Variants in ABAT observed in about 807,000 individuals in gnomAD.
ABAT encodes 4-aminobutyrate aminotransferase, also known as 4-aminobutyrate aminotransferase, mitochondrial.
ABAT carries 45 observed loss-of-function variants against 64.6 expected under a neutral mutation model. The observed-to-expected ratio is 0.70, with a 90% confidence interval of 0.55 to 0.89. The LOEUF (loss-of-function observed/expected upper bound fraction) is 0.89, where lower values mean the gene tolerates loss of function less well. Ranked by LOEUF, ABAT falls within the 40% of genes least tolerant of loss-of-function variation. The pLI, the probability that ABAT is intolerant of heterozygous loss-of-function variation, is 0.00. For missense variants in ABAT, 633 were observed against 658.4 expected (o/e 0.96, Z 0.42); for synonymous variants, 297 against 250.5 (o/e 1.19, Z -1.75).
intron 1 of ABAT, among the ~76,000 whole-genome samples, chr16:8,691,057 A>C (rs2057568136): frequency 6.6e-6 from 1 of 152,130 alleles, no homozygotes. Flanking sequence ...GGAAAAAAAA[A>C]AACCCTGAAA....
At chr16:8,729,255 G>C (rs542805920) in intron 1 of ABAT, among the ~76,000 whole-genome samples, 1 of 152,142 alleles carries the variant, frequency 6.6e-6, no homozygotes, top group East Asian at 1.9e-4. Context: ...AGTAAGCTAA[G>C]ATTACACCAC....
intron 14 of ABAT, among the ~76,000 whole-genome samples, chr16:8,777,484 C>T (rs2060301034): frequency 6.6e-6 from 1 of 152,220 alleles, no homozygotes; most frequent in African/African-American, 2.4e-5. Flanking sequence ...CCCTTCTTGT[C>T]TTTAGCAGCC....
chr16:8,724,240 T>C (rs1366398034), intron 1 of ABAT, among the ~76,000 whole-genome samples: 1 of 152,078 alleles, frequency 6.6e-6, no homozygotes, highest in Non-Finnish European at 1.5e-5. Flanking sequence ...ACATCACTAA[T>C]CTATCACATT....
At chr16:8,753,242 C>T (rs2059544500) in intron 5 of ABAT, among the ~76,000 whole-genome samples, 1 of 152,050 alleles carries the variant, frequency 6.6e-6, no homozygotes, top group Non-Finnish European at 1.5e-5. Flanking sequence ...TACAGGTGCC[C>T]ACCATCATGC....
At position 8,784,037 on chromosome 16, in the gene ABAT, A is replaced by G. The variant is rs998409708; in HGVS notation, c.*2607A>G. On this transcript the variant is annotated 3_prime_UTR_variant, in exon 16 of 16. Transcript: ENST00000268251. Reference sequence around the variant, plus strand: ...GGAAAAGAATTCTCAGCAGAGCTCAAGATTGTAGAAACTCAGCAGAAGCTG... The same window carrying G: ...GGAAAAGAATTCTCAGCAGAGCTCAGGATTGTAGAAACTCAGCAGAAGCTG... The G allele has an allele frequency of 6.6e-6, 1 of 152,310 alleles. No homozygotes were observed. The highest frequency in any genetic ancestry group is 2.4e-5 in the African/African-American group (1 of 41,462). The allele number at this position is 152,310 out of a possible 1,614,324, so 9.4% of individuals were successfully genotyped here.
chr16:8,782,664 G>A lies in ABAT; in HGVS notation c.*1234G>A, dbSNP rs1432417311. ...ATACCGAAATGCTTAAAGGGGCTGT[G>A]GCTGAGGCTGTAGCATCTCTGCTGG... On this transcript the variant is annotated 3_prime_UTR_variant, in exon 16 of 16. Coordinates refer to ENST00000268251, the MANE Select transcript of ABAT (RefSeq NM_020686.6). 6.6e-6 allele frequency: 1 copy of A among 152,316 alleles called. No homozygotes were observed. The highest frequency in any genetic ancestry group is 2.4e-5 in the African/African-American group (1 of 41,450). 9.4% of individuals were successfully genotyped at this position (152,316 alleles called of 1,614,324 possible). A position where few individuals can be genotyped will look rare whatever the true frequency, so the allele number is the denominator to read the frequency against.
At chr16:8,709,385 T>TA (rs1404574877) in intron 1 of ABAT, among the ~76,000 whole-genome samples, 1 of 120,852 alleles carries the variant, frequency 8.3e-6, no homozygotes, top group Non-Finnish European at 1.8e-5. Flanking sequence ...TTTATTTATT[T>TA]ATTTTTGAGA....
intron 2 of ABAT, chr16:8,737,509 T>TCTC (rs2058982245): frequency 1.3e-5 from 2 of 151,724 alleles, no homozygotes; most frequent in Admixed American, 6.6e-5. Context: ...ACATCTTATT[T>TCTC]TTTAAAAATT....
At chr16:8,715,633 T>TA (rs61191788) in intron 1 of ABAT, 21,707 of 81,878 alleles carry the variant, frequency 0.27, 2,169 homozygotes, top group African/African-American at 0.33. Context: ...ACCCTGTCTC[T>TA]AAAAAAAAAA....
At chr16:8,750,565 G>A (rs778373166) in intron 5 of ABAT, 26 bp downstream of exon 5, 9 of 1,596,334 alleles carry the variant, frequency 5.6e-6, no homozygotes, top group East Asian at 2.2e-5. Flanking sequence ...TCATTCCTTG[G>A]ATATAACCTC....
At chr16:8,677,336 C>G (rs1169389379) in intron 1 of ABAT, among the ~76,000 whole-genome samples, 1 of 152,174 alleles carries the variant, frequency 6.6e-6, no homozygotes, top group Non-Finnish European at 1.5e-5. Flanking sequence ...TGCCTGGGGA[C>G]AAGGGGATGT....
At chr16:8,733,078 A>AC (rs1289051031) in intron 1 of ABAT, among the ~76,000 whole-genome samples, 37 of 127,600 alleles carry the variant, frequency 2.9e-4, no homozygotes, top group East Asian at 6.8e-4. Context: ...CGGGGGGCTG[A>AC]CCCCCCCACC....
intron 5 of ABAT, among the ~76,000 whole-genome samples, chr16:8,751,452 G>C (rs961918983): frequency 2.0e-5 from 3 of 152,104 alleles, no homozygotes; most frequent in African/African-American, 7.2e-5. Flanking sequence ...GGGGAGGAAA[G>C]GAAACAGCCT....
rs1038256499 is a variant in ABAT, at chr16:8,768,268, C to G, written c.667+12C>G. 1 of 1,613,518 alleles carries G rather than the reference C, an allele frequency of 6.2e-7. No homozygotes were observed. Among genetic ancestry groups the G allele is most frequent in the African/African-American group, 1.3e-5 (1 of 75,006 alleles). On this transcript the variant is annotated intron_variant, in intron 10 of 15. Coordinates refer to ENST00000268251, the MANE Select transcript of ABAT (RefSeq NM_020686.6). ...TGGGAGGACCATGGGTAAGGAGGGA[C>G]CATTGCGCTCCCAAGGTGGCGTTTA...
intron 1 of ABAT, among the ~76,000 whole-genome samples, chr16:8,677,538 G>A (rs1402342546): frequency 1.3e-5 from 2 of 152,180 alleles, no homozygotes; most frequent in Admixed American, 1.3e-4. Context: ...GTCTAGATGA[G>A]GGGTTCTCAT....
chr16:8,696,478 C>T lies in ABAT; in HGVS notation c.-42+21767C>T, dbSNP rs117206057. 8.8e-3 allele frequency among the ~76,000 whole-genome samples: 1,341 copies of T among 152,158 alleles called. 12 individuals carry two copies. Among genetic ancestry groups the T allele is most frequent in the Middle Eastern group, 0.024 (7 of 294 alleles). ...TCTCTACTAAAAATACAAAAATTAG[C>T]CGTGGGTGGTGCACGCCTGTAATCC... On this transcript the variant is annotated intron_variant, in intron 1 of 15. Coordinates refer to ENST00000268251, the MANE Select transcript of ABAT (RefSeq NM_020686.6).
intron 5 of ABAT, among the ~76,000 whole-genome samples, chr16:8,752,618 T>C (rs115904974): frequency 0.026 from 3,949 of 152,214 alleles, 161 homozygotes; most frequent in African/African-American, 0.089. Flanking sequence ...GTTTTAAAAA[T>C]TAGCTAGTCA....
At chr16:8,722,203 G>A (rs576013260) in intron 1 of ABAT, among the ~76,000 whole-genome samples, 1 of 152,296 alleles carries the variant, frequency 6.6e-6, no homozygotes, top group African/African-American at 2.4e-5. Flanking sequence ...CACTCTGTCC[G>A]GCTTTTAATT....
chr16:8,704,255 T>A (rs933405470), intron 1 of ABAT, among the ~76,000 whole-genome samples: 2 of 152,210 alleles, frequency 1.3e-5, no homozygotes, highest in Non-Finnish European at 2.9e-5. Flanking sequence ...TTTCCACACC[T>A]TCGGAAACCA....
Sources: allele counts gnomAD v4.1 joint callset (sites outside exome capture counted in the v4.1 genomes callset), GRCh38; gene constraint gnomAD v4.1.1; transcripts MANE v1.5; gene names NCBI Gene and HGNC (gene_info 2026-07-23, HGNC 2026-07-21).